Variants in MIX23 observed in about 807,000 individuals in gnomAD.
MIX23 encodes the protein protein MIX23.
Under a neutral mutation model 21.6 loss-of-function variants are expected in MIX23, and 13 were observed. That is an observed-to-expected ratio of 0.60 (90% CI 0.39 to 0.96). MIX23 has a LOEUF of 0.96. Among genes scored for constraint, MIX23 ranks in the 40% least tolerant of loss-of-function variants. MIX23 has a pLI of 0.00. For missense variants in MIX23, 144 were observed against 171.2 expected, an observed-to-expected ratio of 0.84 and a Z score of 0.89; for synonymous variants, 59 against 58.0, an observed-to-expected ratio of 1.02 and a Z score of -0.08.
intron 2 of MIX23, among the ~76,000 whole-genome samples, chr3:122,370,741 C>T (rs1002244463): frequency 3.3e-5 from 5 of 152,144 alleles, no homozygotes; most frequent in African/African-American, 1.2e-4. Flanking sequence ...TGTCAAACAA[C>T]CTCATAGCCA....
rs188737155 is a variant in MIX23, at chr3:122,383,011, C to T, written c.51+163G>A. On this transcript the variant is annotated intron_variant, in intron 1 of 4. Transcript: ENST00000291458. ...CTCCTCCTACAGAGCAGCCTCGCTCCCTAAGGCCAAACCCGCGCCCCCCAT... is the reference window on the plus strand; with the variant it reads ...CTCCTCCTACAGAGCAGCCTCGCTCTCTAAGGCCAAACCCGCGCCCCCCAT... 29 of 862,358 alleles carry T rather than the reference C, an allele frequency of 3.4e-5. No homozygotes were observed. The East Asian group carries it at 6.6e-4, about 20-fold the overall frequency. 53.4% of individuals were successfully genotyped at this position (862,358 alleles called of 1,614,324 possible).
intron 2 of MIX23, 64 bp downstream of exon 2, chr3:122,371,611 G>C: frequency 3.2e-6 from 5 of 1,557,198 alleles, no homozygotes; most frequent in Non-Finnish European, 3.5e-6. Flanking sequence ...CAAGATAACT[G>C]ATTTCTTATT....
intron 2 of MIX23, 26 bp from the exon 3 acceptor site, chr3:122,368,348 G>A (rs1553774695): frequency 7.3e-6 from 11 of 1,499,614 alleles, no homozygotes; most frequent in Middle Eastern, 1.8e-4. Context: ...AATGAAAGGA[G>A]AAAAAAAAAC....
At chr3:122,360,927 T>G (rs2075353728) in intron 4 of MIX23, among the ~76,000 whole-genome samples, 1 of 152,124 alleles carries the variant, frequency 6.6e-6, no homozygotes, top group Non-Finnish European at 1.5e-5. Flanking sequence ...CACTGAAACC[T>G]CCACCTCCTG....
At chr3:122,368,011 T>A (rs1030605107) in intron 3 of MIX23, 165 bp downstream of exon 3, 5 of 623,052 alleles carry the variant, frequency 8.0e-6, no homozygotes, top group Non-Finnish European at 1.4e-5. Flanking sequence ...AATTAATAAC[T>A]AAACATAATA....
intron 2 of MIX23, among the ~76,000 whole-genome samples, chr3:122,371,202 C>T (rs1027573963): frequency 2.2e-4 from 33 of 152,236 alleles, no homozygotes; most frequent in African/African-American, 8.0e-4. Flanking sequence ...GACAACTGAT[C>T]CACTGGCTTT....
chr3:122,365,481 A>T (rs2075389771), intron 3 of MIX23: 1 of 152,206 alleles, frequency 6.6e-6, no homozygotes, highest in Non-Finnish European at 1.5e-5. Flanking sequence ...AAAATTGAAA[A>T]AAAAAATTCA....
At chr3:122,371,651 A>G in intron 2 of MIX23, 24 bp downstream of exon 2, 3 of 1,610,886 alleles carry the variant, frequency 1.9e-6, no homozygotes, top group Non-Finnish European at 2.5e-6. Context: ...TGAAAGAAGC[A>G]AAAGACTCAA....
rs1028700348 is a variant in MIX23 at position 122,369,479 on chromosome 3, A to G, written c.178-1157T>C. On this transcript the variant is annotated intron_variant, in intron 2 of 4. Transcript: ENST00000291458. ...TGCTTCTTGACTGACATAATACTTA[A>G]GGGAACTCAGTGGTGCTTATTGGTA... Among the ~76,000 whole-genome samples, 3 of 152,232 alleles carry G rather than the reference A, an allele frequency of 2.0e-5. No individual in the cohort carries two copies. In the South Asian group the frequency reaches 6.2e-4, roughly 32 times the overall value.
At chr3:122,375,731 G>C (rs1294086708) in intron 1 of MIX23, among the ~76,000 whole-genome samples, 1 of 152,064 alleles carries the variant, frequency 6.6e-6, no homozygotes, top group African/African-American at 2.4e-5. Context: ...AAAAGGGAAC[G>C]CTTATACACT....
chr3:122,364,542 A>G (rs986069153), intron 3 of MIX23, among the ~76,000 whole-genome samples: 1 of 152,356 alleles, frequency 6.6e-6, no homozygotes, highest in South Asian at 2.1e-4. Context: ...GTAACTCCAG[A>G]GAGAAGATTA....
Position 122,366,000 on chromosome 3 carries a change from CCT to C in MIX23, c.324+2174_324+2175del, listed in dbSNP as rs755621401. Among the ~76,000 whole-genome samples, 10 of 151,896 alleles carry C rather than the reference CCT, an allele frequency of 6.6e-5. 1 individual carries two copies. Among genetic ancestry groups the C allele is most frequent in the East Asian group, 3.9e-4 (2 of 5,162 alleles). Reference sequence around the variant, plus strand: ...ACCAGTCTGGCCAACATGGTGAAACCCTGTCTCTACTAAAAATACAAAAAAAA... The same window carrying C: ...ACCAGTCTGGCCAACATGGTGAAACCGTCTCTACTAAAAATACAAAAAAAA... On this transcript the variant is annotated intron_variant, in intron 3 of 4. Transcript: ENST00000291458.
intron 4 of MIX23, among the ~76,000 whole-genome samples, chr3:122,362,647 T>C (rs367877977): frequency 2.0e-5 from 3 of 152,126 alleles, no homozygotes; most frequent in African/African-American, 7.2e-5. Flanking sequence ...ACGCTAATTT[T>C]TGTATTTTTA....
intron 1 of MIX23, among the ~76,000 whole-genome samples, chr3:122,379,213 T>C (rs2075511641): frequency 6.6e-6 from 1 of 152,104 alleles, no homozygotes; most frequent in Admixed American, 6.5e-5. Flanking sequence ...GGCATGCCAT[T>C]TAGTCAATCA....
At chr3:122,377,207 C>G (rs1272208664) in intron 1 of MIX23, among the ~76,000 whole-genome samples, 1 of 151,934 alleles carries the variant, frequency 6.6e-6, no homozygotes, top group Non-Finnish European at 1.5e-5. Flanking sequence ...TATGTACCCC[C>G]AAATCTAAAA....
At chr3:122,382,042 T>A (rs943174677) in intron 1 of MIX23, among the ~76,000 whole-genome samples, 3 of 152,242 alleles carry the variant, frequency 2.0e-5, no homozygotes, top group Admixed American at 2.0e-4. Flanking sequence ...AGCGGACTAA[T>A]ACAGTATCTA....
chr3:122,379,428 C>T (rs1474678494), intron 1 of MIX23, among the ~76,000 whole-genome samples: 1 of 152,060 alleles, frequency 6.6e-6, no homozygotes, highest in African/African-American at 2.4e-5. Context: ...GAAAAAAGTG[C>T]CAAAGCTGTT....
intron 1 of MIX23, chr3:122,373,035 AT>A (rs764296222): frequency 2.5e-6 from 1 of 399,474 alleles, no homozygotes; most frequent in South Asian, 2.0e-5. Flanking sequence ...TTCCTCGTCC[AT>A]TTGTTAAAAT....
chr3:122,380,154 TATATAAC>T (rs2075519343), intron 1 of MIX23, among the ~76,000 whole-genome samples: 1 of 152,142 alleles, frequency 6.6e-6, no homozygotes, highest in Non-Finnish European at 1.5e-5. Context: ...AAGGGGCCAT[TATATAAC>T]TAAAATACAC....
Sources: gnomAD v4.1 joint callset for allele counts (sites outside exome capture counted in the v4.1 genomes callset) on GRCh38, gnomAD v4.1.1 for gene constraint, MANE v1.5 for transcripts, NCBI Gene and HGNC (gene_info 2026-07-23, HGNC 2026-07-21) for gene names.